The following ZFHX3 variants were observed in gnomAD, a reference collection of about 807,000 sequenced individuals.
ZFHX3 encodes the protein zinc finger homeobox 3, also known as zinc finger homeobox protein 3.
Under a neutral mutation model 279.1 loss-of-function variants are expected in ZFHX3, and 42 were observed. The ratio of observed to expected loss-of-function variants is 0.15; its 90% CI spans 0.12 to 0.19. The LOEUF is 0.19. ZFHX3 is among the 10% of genes least tolerant of loss of function. ZFHX3 has a pLI of 1.00. For missense variants in ZFHX3, 4,981 were observed against 4,754.0 expected (o/e 1.05, Z -1.40); for synonymous variants, 2,293 against 1,957.8 (o/e 1.17, Z -4.52).
intron 8 of ZFHX3, among the ~76,000 whole-genome samples, chr16:73,066,504 C>G (rs1265375552): frequency 1.3e-5 from 2 of 152,110 alleles, no homozygotes; most frequent in African/African-American, 4.8e-5. Context: ...CCGGCTGAGG[C>G]GCTTAGGCCA....
At chr16:72,865,139 G>C (rs942465582) in intron 4 of ZFHX3, among the ~76,000 whole-genome samples, 1 of 152,244 alleles carries the variant, frequency 6.6e-6, no homozygotes, top group Non-Finnish European at 1.5e-5. Flanking sequence ...GAACCTGAGA[G>C]AGAGGCTTTC....
chr16:73,596,350 C>T (rs1020392467), intron 2 of ZFHX3, among the ~76,000 whole-genome samples: 3 of 152,088 alleles, frequency 2.0e-5, no homozygotes, highest in African/African-American at 7.2e-5. Flanking sequence ...ATCTCTTTTG[C>T]ATAAGACTCC....
At chr16:73,541,786 C>CTTTTTTTTTTTTTT (rs546761843) in intron 2 of ZFHX3, among the ~76,000 whole-genome samples, 1 of 88,142 alleles carries the variant, frequency 1.1e-5, no homozygotes, top group African/African-American at 4.1e-5. Context: ...TGGTGGTTCT[C>CTTTTTTTTTTTTTT]TTTTTTTTTT....
intron 1 of ZFHX3, among the ~76,000 whole-genome samples, chr16:73,723,365 T>C (rs2142240428): frequency 6.6e-6 from 1 of 152,274 alleles, no homozygotes; most frequent in South Asian, 2.1e-4. Flanking sequence ...GTTCAGAAAA[T>C]TCAAAGTGAG....
At chr16:72,967,572 C>A (rs550281875) in intron 1 of ZFHX3, among the ~76,000 whole-genome samples, 1 of 152,158 alleles carries the variant, frequency 6.6e-6, no homozygotes, top group African/African-American at 2.4e-5. Context: ...TCATCATCTT[C>A]ATCATCATCC....
At chr16:73,700,715 C>T (rs916314245) in intron 1 of ZFHX3, among the ~76,000 whole-genome samples, 1 of 152,092 alleles carries the variant, frequency 6.6e-6, no homozygotes, top group African/African-American at 2.4e-5. Flanking sequence ...TAAAGAAATA[C>T]CACTAAGCTT....
chr16:73,544,773 G>A (rs544535073), intron 2 of ZFHX3, among the ~76,000 whole-genome samples: 1 of 152,204 alleles, frequency 6.6e-6, no homozygotes, highest in Admixed American at 6.5e-5. Context: ...GCGAGGCTGG[G>A]AGTCACCTCC....
intron 2 of ZFHX3, chr16:73,609,334 G>A (rs2052222080): frequency 6.6e-6 from 1 of 152,108 alleles, no homozygotes; most frequent in South Asian, 2.1e-4. Flanking sequence ...CCTGCTCGTG[G>A]AAAATAAATG....
intron 2 of ZFHX3, among the ~76,000 whole-genome samples, chr16:73,600,391 C>G (rs2052099355): frequency 6.6e-6 from 1 of 150,708 alleles, no homozygotes; most frequent in Non-Finnish European, 1.5e-5. Flanking sequence ...TATCTTTTAG[C>G]TCTGTGTATA....
chr16:73,527,489 T>C (rs2019715698), intron 2 of ZFHX3, among the ~76,000 whole-genome samples: 1 of 152,100 alleles, frequency 6.6e-6, no homozygotes. Context: ...TCTGAGAACT[T>C]CTCCAGTGAG....
intron 4 of ZFHX3, among the ~76,000 whole-genome samples, chr16:72,849,273 G>A (rs1437030270): frequency 6.6e-6 from 1 of 152,166 alleles, no homozygotes; most frequent in Non-Finnish European, 1.5e-5. Flanking sequence ...ACTTGCGTGG[G>A]AAAGCTCTGC....
intron 2 of ZFHX3, among the ~76,000 whole-genome samples, chr16:73,654,089 C>A (rs1882043025): frequency 6.7e-6 from 1 of 149,856 alleles, no homozygotes; most frequent in Admixed American, 6.7e-5. Flanking sequence ...GAGGCTGAGG[C>A]AGGAGAATGG....
At chr16:72,903,557 T>C (rs1385951840) in intron 3 of ZFHX3, among the ~76,000 whole-genome samples, 1 of 152,100 alleles carries the variant, frequency 6.6e-6, no homozygotes, top group East Asian at 1.9e-4. Context: ...ACCGTATTCT[T>C]ACTGAGGTTT....
chr16:73,124,454 C>A (rs892285327), intron 7 of ZFHX3, among the ~76,000 whole-genome samples: 2 of 152,152 alleles, frequency 1.3e-5, no homozygotes, highest in African/African-American at 4.8e-5. Flanking sequence ...CTGATATCAT[C>A]ACATTGAGGA....
chr16:72,843,029 T>C (rs985139666), intron 4 of ZFHX3, among the ~76,000 whole-genome samples: 3 of 152,164 alleles, frequency 2.0e-5, no homozygotes, highest in Non-Finnish European at 4.4e-5. Context: ...CTAGGCAGAA[T>C]AGTCCAAACA....
intron 5 of ZFHX3, among the ~76,000 whole-genome samples, chr16:73,237,001 C>T (rs925081374): frequency 9.5e-4 from 145 of 152,272 alleles, no homozygotes; most frequent in African/African-American, 3.2e-3. Flanking sequence ...CCAATTTCCA[C>T]GGTGCTCTTC....
chr16:73,182,571 C>T (rs957682148), intron 5 of ZFHX3, among the ~76,000 whole-genome samples: 1 of 152,178 alleles, frequency 6.6e-6, no homozygotes, highest in South Asian at 2.1e-4. Context: ...ATCGTTACAT[C>T]AGAAAGGCAT....
intron 2 of ZFHX3, among the ~76,000 whole-genome samples, chr16:73,513,417 CCT>C (rs767884442): frequency 4.6e-5 from 7 of 152,150 alleles, no homozygotes; most frequent in Admixed American, 6.5e-5. Context: ...TGCACTGACA[CCT>C]CTCTCAATGC....
intron 2 of ZFHX3, chr16:73,679,577 G>T (rs1325302244): frequency 6.6e-6 from 1 of 152,030 alleles, no homozygotes; most frequent in Non-Finnish European, 1.5e-5. Flanking sequence ...ACAATTTTCT[G>T]GTGAGTGAAT....
Sources: allele counts gnomAD v4.1 joint callset (sites outside exome capture counted in the v4.1 genomes callset), GRCh38; gene constraint gnomAD v4.1.1; transcripts MANE v1.5; gene names NCBI Gene and HGNC (gene_info 2026-07-23, HGNC 2026-07-21).